UBE2L3: variants seen among roughly 807,000 people sequenced by gnomAD.
UBE2L3 encodes ubiquitin conjugating enzyme E2 L3, also known as ubiquitin-conjugating enzyme E2 L3.
Under a neutral mutation model 17.8 loss-of-function variants are expected in UBE2L3, and 1 was observed. That is an observed-to-expected ratio of 0.06 (90% CI 0.02 to 0.27). UBE2L3 has a LOEUF of 0.27. UBE2L3 is among the 10% of genes least tolerant of loss of function. The pLI, the probability that UBE2L3 is intolerant of heterozygous loss-of-function variation, is 1.00. For missense variants in UBE2L3, 40 were observed against 192.6 expected, an observed-to-expected ratio of 0.21 and a Z score of 4.69; for synonymous variants, 44 against 68.5, an observed-to-expected ratio of 0.64 and a Z score of 1.76.
At chr22:21,590,238 C>T (rs992967331) in intron 1 of UBE2L3, among the ~76,000 whole-genome samples, 2 of 152,092 alleles carry the variant, frequency 1.3e-5, no homozygotes, top group African/African-American at 4.8e-5. Context: ...GCTCTTTTCG[C>T]CCAAGCTGGA....
At position 21,598,005 on chromosome 22, in the gene UBE2L3, T is replaced by C. The variant is rs1221789136; in HGVS notation, c.123+5049T>C. 2.7e-5 allele frequency among the ~76,000 whole-genome samples: 4 copies of C among 149,964 alleles called. No individual in the cohort carries two copies. The East Asian group carries it at 7.8e-4, about 29-fold the overall frequency. On this transcript the variant is annotated intron_variant, in intron 2 of 3. Coordinates refer to ENST00000342192, the MANE Select transcript of UBE2L3 (RefSeq NM_003347.4). ...TTGTAGAGATGGGGTTTTGCCATAT[T>C]GCACAGGCTGGTCTTGAACTCCTAG...
rs35054754 is a variant in UBE2L3 at position 21,597,775 on chromosome 22, A to ATTTTTTTTTTTTTTT, written c.123+4837_123+4851dup. Among the ~76,000 whole-genome samples, 39 of 25,600 alleles carry ATTTTTTTTTTTTTTT rather than the reference A, an allele frequency of 1.5e-3. 15 individuals are homozygous for ATTTTTTTTTTTTTTT. The highest frequency in any genetic ancestry group is 4.5e-3 in the East Asian group (4 of 894). 16.8% of individuals were successfully genotyped at this position (25,600 alleles called of 152,430 possible). ...GGATCTTTGATCCATTTATATGTAG[A>ATTTTTTTTTTTTTTT]TTTTTTTTTTTTTTTTTTTTTTTTT... On this transcript the variant is annotated intron_variant, in intron 2 of 3. Coordinates refer to ENST00000342192, the MANE Select transcript of UBE2L3 (RefSeq NM_003347.4).
chr22:21,592,448 C>G (rs1349293252), intron 1 of UBE2L3, among the ~76,000 whole-genome samples: 1 of 151,510 alleles, frequency 6.6e-6, no homozygotes, highest in Non-Finnish European at 1.5e-5. Context: ...GGTGCATAAT[C>G]AGTGCTTAAT....
intron 1 of UBE2L3, among the ~76,000 whole-genome samples, chr22:21,589,207 G>T (rs536179099): frequency 1.2e-4 from 18 of 149,152 alleles, no homozygotes; most frequent in African/African-American, 4.5e-4. Flanking sequence ...GTGCAGTGGC[G>T]CAATCTTGGC....
At chr22:21,590,529 A>G (rs1928199830) in intron 1 of UBE2L3, among the ~76,000 whole-genome samples, 1 of 152,214 alleles carries the variant, frequency 6.6e-6, no homozygotes, top group African/African-American at 2.4e-5. Context: ...TGGAGTGTGG[A>G]TTTCTGAAAC....
chr22:21,594,599 A>G (rs1928426649), intron 2 of UBE2L3, among the ~76,000 whole-genome samples: 1 of 152,030 alleles, frequency 6.6e-6, no homozygotes, highest in Non-Finnish European at 1.5e-5. Flanking sequence ...CTAAGGAAAG[A>G]TATGCTTTGT....
chr22:21,593,823 C>T (rs1277563882), intron 2 of UBE2L3, among the ~76,000 whole-genome samples: 1 of 152,124 alleles, frequency 6.6e-6, no homozygotes, highest in East Asian at 1.9e-4. Context: ...GTCCTGTGAC[C>T]AGCCTGCCAC....
intron 1 of UBE2L3, among the ~76,000 whole-genome samples, chr22:21,573,503 A>G (rs540446747): frequency 1.3e-5 from 2 of 152,270 alleles, no homozygotes; most frequent in African/African-American, 4.8e-5. Context: ...GAACAAAGAA[A>G]TCCTGGGCTG....
intron 2 of UBE2L3, among the ~76,000 whole-genome samples, chr22:21,603,249 C>T (rs1928957353): frequency 6.6e-6 from 1 of 151,962 alleles, no homozygotes; most frequent in African/African-American, 2.4e-5. Flanking sequence ...GCAAGTGGGC[C>T]GGGTGCGGTG....
chr22:21,558,624 T>C (rs2430885), intron 1 of UBE2L3, among the ~76,000 whole-genome samples: 1 of 146,282 alleles, frequency 6.8e-6, no homozygotes, highest in African/African-American at 2.6e-5. Flanking sequence ...AGTGAGACTC[T>C]GTCTCAAAAA....
At chr22:21,555,693 A>T (rs1926200500) in intron 1 of UBE2L3, among the ~76,000 whole-genome samples, 1 of 152,060 alleles carries the variant, frequency 6.6e-6, no homozygotes, top group African/African-American at 2.4e-5. Flanking sequence ...GCACTTTAGG[A>T]GGCCAAGGTG....
intron 1 of UBE2L3, among the ~76,000 whole-genome samples, chr22:21,575,400 C>A (rs1482521579): frequency 4.9e-5 from 7 of 142,452 alleles, no homozygotes; most frequent in Non-Finnish European, 9.1e-5. Context: ...CATGACGAAA[C>A]CCCATCTCTA....
chr22:21,557,385 A>C (rs1312644843), intron 1 of UBE2L3, among the ~76,000 whole-genome samples: 5 of 152,268 alleles, frequency 3.3e-5, no homozygotes, highest in Non-Finnish European at 7.3e-5. Flanking sequence ...AAAAAAACGA[A>C]AAACCCAACC....
intron 2 of UBE2L3, among the ~76,000 whole-genome samples, chr22:21,604,794 A>G (rs1929059931): frequency 6.6e-6 from 1 of 152,100 alleles, no homozygotes; most frequent in Admixed American, 6.6e-5. Flanking sequence ...AGTTTGTGTG[A>G]CTTATGCACA....
chr22:21,576,748 A>G (rs1927321049), intron 1 of UBE2L3, among the ~76,000 whole-genome samples: 1 of 148,484 alleles, frequency 6.7e-6, no homozygotes, highest in Admixed American at 6.7e-5. Context: ...GCAACTCTTG[A>G]TTGAGAAGTT....
At chr22:21,587,913 C>T (rs1205443654) in intron 1 of UBE2L3, among the ~76,000 whole-genome samples, 1 of 152,196 alleles carries the variant, frequency 6.6e-6, no homozygotes, top group Non-Finnish European at 1.5e-5. Flanking sequence ...CCCCTCTATA[C>T]ACTGAAGTCT....
chr22:21,608,389 A>G (rs1047935539), intron 2 of UBE2L3, among the ~76,000 whole-genome samples: 1 of 152,172 alleles, frequency 6.6e-6, no homozygotes, highest in Non-Finnish European at 1.5e-5. Context: ...AGCTGAGACT[A>G]CAGGCACATG....
At chr22:21,601,175 A>AAATC (rs764614092) in intron 2 of UBE2L3, among the ~76,000 whole-genome samples, 8 of 152,230 alleles carry the variant, frequency 5.3e-5, no homozygotes, top group South Asian at 2.1e-4. Context: ...TTTCAAAGAA[A>AAATC]AATCAATCAA....
chr22:21,590,699 G>A (rs1204647797), intron 1 of UBE2L3, among the ~76,000 whole-genome samples: 1 of 152,018 alleles, frequency 6.6e-6, no homozygotes, highest in Non-Finnish European at 1.5e-5. Context: ...TGTTTGCTAG[G>A]ACTCCAGCCT....
Sources: allele counts gnomAD v4.1 joint callset (sites outside exome capture counted in the v4.1 genomes callset), GRCh38; gene constraint gnomAD v4.1.1; transcripts MANE v1.5; gene names NCBI Gene and HGNC (gene_info 2026-07-23, HGNC 2026-07-21).